Variants in HSD17B1 observed in about 807,000 individuals in gnomAD.
HSD17B1 encodes the protein 17-beta-hydroxysteroid dehydrogenase type 1.
In HSD17B1, 16 loss-of-function variants were observed where a neutral mutation model predicts 22.7. The ratio of observed to expected loss-of-function variants is 0.71; its 90% CI spans 0.48 to 1.07. The LOEUF is 1.07. HSD17B1 is among the 50% of genes least tolerant of loss of function. The pLI is 0.00. For missense variants in HSD17B1, 533 were observed against 459.9 expected (o/e 1.16, Z -1.45); for synonymous variants, 243 against 211.0 (o/e 1.15, Z -1.31).
At position 42,554,722 on chromosome 17, in the gene HSD17B1, C is replaced by G. The variant is rs749611073; in HGVS notation, c.771C>G (p.Thr257=). ...AGCCGACCCTGCGCTACTTCACCAC[C>G]GAGCGCTTCCTGCCCCTGCTGCGGA... ...APKPTLRYFT[T]ERFLPLLRMR... Residue 257 remains threonine (T), a synonymous_variant, in exon 6 of 6, where the codon ACC becomes ACG. Transcript: ENST00000585807. The G allele has an allele frequency of 1.5e-5, 24 of 1,603,486 alleles. No individual in the cohort carries two copies. Among genetic ancestry groups the G allele is most frequent in the Non-Finnish European group, 1.9e-5 (22 of 1,179,730 alleles).
At position 42,553,771 on chromosome 17, in the gene HSD17B1, G is replaced by A. The variant is rs775623518; in HGVS notation, c.446-23G>A. On this transcript the variant is annotated intron_variant, in intron 3 of 5. Transcript: ENST00000585807. ...ATGACCCCCTGGCCGCTGCGCCTCA[G>A]GAACCTCGTCTCCCCACCTAAGGGC... 4.3e-6 allele frequency: 7 copies of A among 1,610,718 alleles called. No homozygotes were observed. The African/African-American group carries it at 9.4e-5, about 22-fold the overall frequency.
intron 4 of HSD17B1, 42 bp downstream of exon 4, chr17:42,553,929 C>T (rs768656354): frequency 5.9e-6 from 9 of 1,525,702 alleles, no homozygotes; most frequent in Admixed American, 1.8e-5. Flanking sequence ...TTAACTCTGA[C>T]CTAGAGACGC....
chr17:42,553,181 C>A lies in HSD17B1; in HGVS notation c.155C>A (p.Ala52Asp). 6.2e-7 allele frequency: 1 copy of A among 1,613,710 alleles called. No individual in the cohort carries two copies. The highest frequency in any genetic ancestry group is 1.1e-5 in the South Asian group (1 of 91,084). Residue 52 changes from alanine (A) to aspartate (D), a missense_variant, in exon 2 of 6, where the codon GCC (alanine) becomes GAC (aspartate). Physicochemically the swap from Ala to Asp is moderately radical, Grantham distance 126. Coordinates refer to ENST00000585807, the MANE Select transcript of HSD17B1 (RefSeq NM_000413.4). ...GGCCGGCTGTGGGAGGCGGCCCGGG[C>A]CCTGGCATGCCCTCCGGGATCCCTG... ...TQGRLWEAARALACPPGSLET... is the reference protein window; with the variant it reads ...TQGRLWEAARDLACPPGSLET...
chr17:42,553,638 C>CT lies in HSD17B1; in HGVS notation c.445+21dup. On this transcript the variant is annotated intron_variant, in intron 3 of 5. Coordinates refer to ENST00000585807, the MANE Select transcript of HSD17B1 (RefSeq NM_000413.4). The stretch of plus-strand genomic sequence containing the variant: ...TGATGGGTGAGTGGTAGGGAGTGGC[C>CT]TCGGCAGCTCCAGATTCTTTGTGTG... 6.3e-7 allele frequency: 1 copy of CT among 1,599,426 alleles called. No individual in the cohort carries two copies. Among genetic ancestry groups the CT allele is most frequent in the Non-Finnish European group, 8.5e-7 (1 of 1,172,956 alleles).
rs771458442 is a variant in HSD17B1, at chr17:42,553,160, G to A, written c.134G>A (p.Arg45Gln). 2.9e-5 allele frequency: 47 copies of A among 1,613,722 alleles called. No homozygotes were observed. In the South Asian group the frequency reaches 4.8e-4, roughly 17 times the overall value. The change falls in exon 2 of 6, where the codon CGG becomes CAG. Residue 45 changes from arginine (R) to glutamine (Q), a missense_variant. By Grantham distance (43) the Arg-to-Gln change is conservative. Transcript: ENST00000585807. ...TTGAGGGACCTGAAAACACAGGGCC[G>A]GCTGTGGGAGGCGGCCCGGGCCCTG... Reference protein sequence around the residue: ...ATLRDLKTQGRLWEAARALAC... With the variant: ...ATLRDLKTQGQLWEAARALAC...
Position 42,554,945 on chromosome 17 carries a change from C to T in HSD17B1, c.*7C>T. On this transcript the variant is annotated 3_prime_UTR_variant, in exon 6 of 6. Transcript: ENST00000585807. ...TCCGGCCGCCCCGCAGTAAAGGCTT[C>T]CTCAGCCGCTGTCTCCCGCGCCCTT... The T allele has an allele frequency of 6.9e-7, 1 of 1,455,616 alleles. No individual in the cohort carries two copies. The highest frequency in any genetic ancestry group is 9.0e-7 in the Non-Finnish European group (1 of 1,112,594). The allele number at this position is 1,455,616 out of a possible 1,614,324, so 90.2% of individuals were successfully genotyped here. A position where few individuals can be genotyped will look rare whatever the true frequency, so the allele number is the denominator to read the frequency against.
At chr17:42,553,388 C>T in intron 2 of HSD17B1, 51 bp from the exon 3 acceptor site, 2 of 1,606,604 alleles carry the variant, frequency 1.2e-6, no homozygotes, top group Non-Finnish European at 1.7e-6. Context: ...GGGGACAGGC[C>T]GTGCTGAGGG....
Position 42,554,406 on chromosome 17 carries a change from T to C in HSD17B1, c.541T>C (p.Leu181=). The change falls in exon 5 of 6, where the codon TTG becomes CTG. Residue 181 remains leucine (L), a splice_region_variant and synonymous_variant. Transcript: ENST00000585807. ...AVLLLPFGVH[L]SLIECGPVHT... ...CACTCGTTGCTCTCCGGCCAGCAGC[T>C]TGAGCCTGATCGAGTGCGGCCCAGT... The C allele has an allele frequency of 6.2e-7, 1 of 1,604,174 alleles. No homozygotes were observed.
chr17:42,554,341 T>C, intron 4 of HSD17B1, 64 bp from the exon 5 acceptor site: 1 of 1,504,320 alleles, frequency 6.6e-7, no homozygotes, highest in Non-Finnish European at 8.9e-7. Context: ...GGACTGGGGT[T>C]GGGGCTGGGA....
intron 2 of HSD17B1, 32 bp downstream of exon 2, chr17:42,553,323 G>A: frequency 1.2e-6 from 2 of 1,603,870 alleles, no homozygotes; most frequent in Non-Finnish European, 1.7e-6. Context: ...GGGCTCCTAG[G>A]AGCCTTCTCC....
chr17:42,555,040 A>T lies in HSD17B1; in HGVS notation c.*102A>T, dbSNP rs1177328284. 2.1e-6 allele frequency: 3 copies of T among 1,396,708 alleles called. 1 individual carries two copies. Among genetic ancestry groups the T allele is most frequent in the Non-Finnish European group, 2.8e-6 (3 of 1,081,888 alleles). The allele number at this position is 1,396,708 out of a possible 1,614,324, so 86.5% of individuals were successfully genotyped here. On this transcript the variant is annotated 3_prime_UTR_variant, in exon 6 of 6. Coordinates refer to ENST00000585807, the MANE Select transcript of HSD17B1 (RefSeq NM_000413.4). Reference sequence around the variant, plus strand: ...TAGCAGCTGTGGGTGGCTAATTAAGATAGATCGCGTTAGCCAGTTTTACCA... The same window carrying T: ...TAGCAGCTGTGGGTGGCTAATTAAGTTAGATCGCGTTAGCCAGTTTTACCA...
chr17:42,553,928 A>T (rs1272128372), intron 4 of HSD17B1, 41 bp downstream of exon 4: 1 of 1,541,886 alleles, frequency 6.5e-7, no homozygotes, highest in Non-Finnish European at 8.9e-7. Context: ...CTTAACTCTG[A>T]CCTAGAGACG....
intron 5 of HSD17B1, 22 bp downstream of exon 5, chr17:42,554,604 A>T: frequency 6.2e-7 from 1 of 1,610,282 alleles, no homozygotes; most frequent in Non-Finnish European, 8.5e-7. Flanking sequence ...GCTGGACTCC[A>T]GGAGTGGGGG....
intron 4 of HSD17B1, 39 bp downstream of exon 4, chr17:42,553,926 T>C: frequency 1.9e-6 from 3 of 1,553,906 alleles, no homozygotes; most frequent in Non-Finnish European, 2.6e-6. Flanking sequence ...CTCTTAACTC[T>C]GACCTAGAGA....
rs570540113 is a variant in HSD17B1 at position 42,554,508 on chromosome 17, C to G, written c.643C>G (p.Arg215Gly). The G allele has an allele frequency of 6.2e-7, 1 of 1,614,006 alleles. No individual in the cohort carries two copies. Among genetic ancestry groups the G allele is most frequent in the Non-Finnish European group, 8.5e-7 (1 of 1,179,920 alleles). The change falls in exon 5 of 6, where the codon CGC (arginine) becomes GGC (glycine). Residue 215 changes from arginine to glycine, a missense_variant. Coordinates refer to ENST00000585807, the MANE Select transcript of HSD17B1 (RefSeq NM_000413.4). Reference sequence around the variant, plus strand: ...CCGCACGGACATCCACACCTTCCACCGCTTCTACCAATACCTCGCCCACAG... The same window carrying G: ...CCGCACGGACATCCACACCTTCCACGGCTTCTACCAATACCTCGCCCACAG... ...LDRTDIHTFH[R>G]FYQYLAHSKQ...
chr17:42,553,610 G>A lies in HSD17B1; in HGVS notation c.437G>A (p.Gly146Glu). The A allele has an allele frequency of 6.2e-7, 1 of 1,607,368 alleles. No homozygotes were observed. Among genetic ancestry groups the A allele is most frequent in the Non-Finnish European group, 8.5e-7 (1 of 1,177,082 alleles). ...GRVLVTGSVG[G>E]LMGLPFNDVY... is the part of the protein sequence containing the mutation. The stretch of plus-strand genomic sequence containing the variant: ...GTGTTGGTGACCGGGAGCGTGGGAG[G>A]ATTGATGGGTGAGTGGTAGGGAGTG... The change falls in exon 3 of 6, where the codon GGA becomes GAA. Residue 146 changes from glycine (G) to glutamate (E), a missense_variant. Physicochemically the swap from Gly to Glu is moderately conservative, Grantham distance 98. Transcript: ENST00000585807.
rs1283458534 is a variant in HSD17B1, at chr17:42,553,142, A to C, written c.116A>C (p.Asp39Ala). 6.2e-7 allele frequency: 1 copy of C among 1,613,794 alleles called. No individual in the cohort carries two copies. Among genetic ancestry groups the C allele is most frequent in the South Asian group, 1.1e-5 (1 of 91,076 alleles). ...CCTCCAGTGTATGCCACGTTGAGGG[A>C]CCTGAAAACACAGGGCCGGCTGTGG... Reference protein sequence around the residue: ...QSFKVYATLRDLKTQGRLWEA... With the variant: ...QSFKVYATLRALKTQGRLWEA... The change falls in exon 2 of 6, where the codon GAC (aspartate) becomes GCC (alanine). Residue 39 changes from aspartate to alanine, a missense_variant. Physicochemically the swap from Asp to Ala is moderately radical, Grantham distance 126. Coordinates refer to ENST00000585807, the MANE Select transcript of HSD17B1 (RefSeq NM_000413.4).
rs201200226 is a variant in HSD17B1 at position 42,552,992 on chromosome 17, C to T, written c.59C>T (p.Ala20Val). Reference protein sequence around the residue: ...GCSSGIGLHLAVRLASDPSQS... With the variant: ...GCSSGIGLHLVVRLASDPSQS... ...TCCTCGGGCATCGGCCTGCACTTGGCCGTACGTCTGGCTTCAGATCCATCC... is the reference window on the plus strand; with the variant it reads ...TCCTCGGGCATCGGCCTGCACTTGGTCGTACGTCTGGCTTCAGATCCATCC... Residue 20 changes from alanine (A) to valine (V), a missense_variant, in exon 1 of 6, where the codon GCC (alanine) becomes GTC (valine). By Grantham distance (64) the Ala-to-Val change is moderately conservative. Coordinates refer to ENST00000585807, the MANE Select transcript of HSD17B1 (RefSeq NM_000413.4). The T allele has an allele frequency of 6.2e-6, 10 of 1,614,124 alleles. No individual in the cohort carries two copies. The East Asian group carries it at 2.0e-4, about 32-fold the overall frequency.
Position 42,553,124 on chromosome 17 carries a change from T to C in HSD17B1, c.98T>C (p.Val33Ala), listed in dbSNP as rs2092948919. The change falls in exon 2 of 6, where the codon GTG (valine) becomes GCG (alanine). Residue 33 changes from valine to alanine, a missense_variant and splice_region_variant. Val to Ala is a moderately conservative substitution (Grantham distance 64). Transcript: ENST00000585807. Reference protein sequence around the residue: ...LASDPSQSFKVYATLRDLKTQ... With the variant: ...LASDPSQSFKAYATLRDLKTQ... ...CTTCCTCCTCTCCCAAAACCTCCAG[T>C]GTATGCCACGTTGAGGGACCTGAAA... is the stretch of plus-strand genomic sequence containing the variant. 1 of 1,613,790 alleles carries C rather than the reference T, an allele frequency of 6.2e-7. No homozygotes were observed. Among genetic ancestry groups the C allele is most frequent in the Admixed American group, 1.7e-5 (1 of 60,010 alleles).
Sources: allele counts gnomAD v4.1 joint callset, GRCh38; gene constraint gnomAD v4.1.1; transcripts MANE v1.5; gene names NCBI Gene and HGNC (gene_info 2026-07-23, HGNC 2026-07-21).